Variants in EVA1A observed in about 807,000 individuals in gnomAD.
The protein encoded by EVA1A is protein eva-1 homolog A.
EVA1A carries 7 observed loss-of-function variants against 9.8 expected under a neutral mutation model. The observed-to-expected ratio is 0.71, with a 90% CI of 0.41 to 1.34. The LOEUF (loss-of-function observed/expected upper bound fraction) is 1.34. Ranked by LOEUF, EVA1A falls within the 40% of genes most tolerant of loss-of-function variation. EVA1A has a pLI of 0.01. For missense variants in EVA1A, 206 were observed against 205.9 expected, an observed-to-expected ratio of 1.00 and a Z score of 0.00; for synonymous variants, 90 against 85.6, an observed-to-expected ratio of 1.05 and a Z score of -0.28.
chr2:75,554,655 C>T (rs939676746), intron 1 of EVA1A, among the ~76,000 whole-genome samples: 10 of 152,144 alleles, frequency 6.6e-5, no homozygotes, highest in Non-Finnish European at 1.3e-4. Flanking sequence ...GACCCTGATT[C>T]CTCCTCTAAT....
In EVA1A at chr2:75,517,707, TG is replaced by T. The variant is rs1291352448; in HGVS notation, c.85+348del. On this transcript the variant is annotated intron_variant, in intron 3 of 3. Coordinates refer to ENST00000393913, the MANE Select transcript of EVA1A (RefSeq NM_001135032.2). Reference sequence around the variant, plus strand: ...CACAGGCAGCCTGTGTGAGGTTAACTGCATAGAATAACCAGGCTGAGGTACT... The same window carrying T: ...CACAGGCAGCCTGTGTGAGGTTAACTCATAGAATAACCAGGCTGAGGTACT... 133 of 686,530 alleles carry T rather than the reference TG, an allele frequency of 1.9e-4. No individual in the cohort carries two copies. The African/African-American group carries it at 2.2e-3, about 11-fold the overall frequency. The allele number at this position is 686,530 out of a possible 1,614,324, so 42.5% of individuals were successfully genotyped here.
chr2:75,530,967 T>C (rs1350730906), intron 1 of EVA1A, among the ~76,000 whole-genome samples: 1 of 152,222 alleles, frequency 6.6e-6, no homozygotes, highest in Non-Finnish European at 1.5e-5. Context: ...AAATGGTCAC[T>C]GTTTGATGAT....
upstream of EVA1A, among the ~76,000 whole-genome samples, chr2:75,563,600 CTTG>C (rs2104003864): frequency 6.6e-6 from 1 of 152,306 alleles, no homozygotes; most frequent in East Asian, 1.9e-4. Flanking sequence ...GCTAAGTATT[CTTG>C]TTCTGTTATT....
At chr2:75,533,850 T>C (rs959907830) in intron 1 of EVA1A, among the ~76,000 whole-genome samples, 1 of 151,926 alleles carries the variant, frequency 6.6e-6, no homozygotes, top group Non-Finnish European at 1.5e-5. Flanking sequence ...CTTGCTCTGT[T>C]GCCCAGGCTG....
chr2:75,517,724 C>A, intron 3 of EVA1A: 1 of 706,272 alleles, frequency 1.4e-6, no homozygotes, highest in Admixed American at 2.0e-5. Flanking sequence ...AATAACCAGG[C>A]TGAGGTACTC....
chr2:75,510,475 A>T (rs933234331), intron 3 of EVA1A, among the ~76,000 whole-genome samples: 2 of 152,178 alleles, frequency 1.3e-5, no homozygotes, highest in African/African-American at 4.8e-5. Context: ...CAAATTCGTG[A>T]CTATCATCAA....
intron 1 of EVA1A, among the ~76,000 whole-genome samples, chr2:75,531,785 T>C (rs990305353): frequency 6.6e-6 from 1 of 151,922 alleles, no homozygotes; most frequent in African/African-American, 2.4e-5. Context: ...GGGTAAGGGG[T>C]AAAAGACTAT....
At chr2:75,560,598 G>A (rs1478741860) in intron 1 of EVA1A, 82 bp downstream of exon 1, 1 of 151,622 alleles carries the variant, frequency 6.6e-6, no homozygotes, top group Admixed American at 6.6e-5. Flanking sequence ...TTTCCGAAAA[G>A]AGGGCGCTTC....
chr2:75,495,137 C>T (rs1039472159), intron 3 of EVA1A, among the ~76,000 whole-genome samples: 10 of 152,076 alleles, frequency 6.6e-5, no homozygotes, highest in Non-Finnish European at 1.3e-4. Context: ...CATTCTTATG[C>T]CTTTGTGTAT....
intron 1 of EVA1A, chr2:75,558,479 A>G (rs1447390290): frequency 3.3e-5 from 5 of 152,206 alleles, no homozygotes; most frequent in Non-Finnish European, 7.3e-5. Flanking sequence ...GATAAACAAA[A>G]TACTGCAAGA....
chr2:75,561,284 C>T (rs562517045), upstream of EVA1A: 29 of 152,382 alleles, frequency 1.9e-4, no homozygotes, highest in African/African-American at 6.7e-4. Context: ...CATCCATCCT[C>T]TCATTCCTGT....
At chr2:75,503,463 T>C (rs1021655571) in intron 3 of EVA1A, among the ~76,000 whole-genome samples, 3 of 152,206 alleles carry the variant, frequency 2.0e-5, no homozygotes, top group Non-Finnish European at 4.4e-5. Flanking sequence ...AGAGGCCCTA[T>C]GTAGAGGTCC....
intron 1 of EVA1A, among the ~76,000 whole-genome samples, chr2:75,551,046 C>G (rs984879072): frequency 6.6e-6 from 1 of 152,060 alleles, no homozygotes. Context: ...TCACTTGAAC[C>G]CAGGAGGCAG....
At chr2:75,564,038 G>T (rs1676978521), upstream of EVA1A, among the ~76,000 whole-genome samples, 1 of 152,218 alleles carries the variant, frequency 6.6e-6, no homozygotes, top group South Asian at 2.1e-4. Context: ...ACATATTTAT[G>T]GAACAGTGCC....
chr2:75,493,129 G>T lies in EVA1A; in HGVS notation c.*107C>A, dbSNP rs745802935. 3 of 1,461,088 alleles carry T rather than the reference G, an allele frequency of 2.1e-6. No homozygotes were observed. 90.5% of individuals were successfully genotyped at this position (1,461,088 alleles called of 1,614,324 possible). ...AAGGGGCATGTCCTGCTTTTTCTCTGAAATCACAATATTAGCAGAGCTGGG... is the reference window on the plus strand; with the variant it reads ...AAGGGGCATGTCCTGCTTTTTCTCTTAAATCACAATATTAGCAGAGCTGGG... On this transcript the variant is annotated 3_prime_UTR_variant, in exon 4 of 4. Transcript: ENST00000393913.
intron 3 of EVA1A, among the ~76,000 whole-genome samples, chr2:75,515,714 C>T (rs952325100): frequency 1.3e-5 from 2 of 152,074 alleles, no homozygotes; most frequent in Admixed American, 6.6e-5. Flanking sequence ...TTATATAAAC[C>T]GTATCTGTTT....
chr2:75,558,931 G>C (rs1344370691), intron 1 of EVA1A, among the ~76,000 whole-genome samples: 1 of 152,158 alleles, frequency 6.6e-6, no homozygotes, highest in Non-Finnish European at 1.5e-5. Context: ...GACCAACAAG[G>C]GTGCTAAGGC....
chr2:75,512,207 A>G (rs1647605083), intron 3 of EVA1A, among the ~76,000 whole-genome samples: 1 of 152,180 alleles, frequency 6.6e-6, no homozygotes, highest in South Asian at 2.1e-4. Flanking sequence ...CCTTGTTAGG[A>G]GTTATTAATG....
intron 1 of EVA1A, among the ~76,000 whole-genome samples, chr2:75,554,271 T>C (rs1410916200): frequency 2.0e-5 from 3 of 152,188 alleles, no homozygotes; most frequent in African/African-American, 7.2e-5. Flanking sequence ...TGCAAGTTTA[T>C]GGTTGCTTCT....
Sources: gnomAD v4.1 joint callset for allele counts (sites outside exome capture counted in the v4.1 genomes callset) on GRCh38, gnomAD v4.1.1 for gene constraint, MANE v1.5 for transcripts, NCBI Gene and HGNC (gene_info 2026-07-23, HGNC 2026-07-21) for gene names.